Variants in SLC4A10 observed in about 807,000 individuals in gnomAD.
SLC4A10 encodes sodium-driven chloride bicarbonate exchanger.
In SLC4A10, 42 loss-of-function variants were observed where a neutral mutation model predicts 137.7. The observed-to-expected ratio is 0.30, with a 90% confidence interval of 0.24 to 0.39. The LOEUF (loss-of-function observed/expected upper bound fraction) is 0.39, where lower values mean the gene tolerates loss of function less well. Ranked by LOEUF, SLC4A10 falls within the 10% of genes least tolerant of loss-of-function variation. SLC4A10 has a pLI of 1.00. For missense variants in SLC4A10, 925 were observed against 1,355.0 expected, an observed-to-expected ratio of 0.68 and a Z score of 4.98; for synonymous variants, 474 against 464.1, an observed-to-expected ratio of 1.02 and a Z score of -0.27.
intron 3 of SLC4A10, among the ~76,000 whole-genome samples, chr2:161,810,310 A>G (rs2125630797): frequency 6.6e-6 from 1 of 152,180 alleles, no homozygotes; most frequent in South Asian, 2.1e-4. Flanking sequence ...ATCATCAGCA[A>G]AGAGAGATAG....
chr2:161,836,726 C>A (rs1451738137), intron 3 of SLC4A10, among the ~76,000 whole-genome samples: 2 of 149,676 alleles, frequency 1.3e-5, no homozygotes, highest in Non-Finnish European at 3.0e-5. Context: ...CTAAAATAAA[C>A]AAACACCAAA....
At chr2:161,804,633 T>A (rs183968573) in intron 3 of SLC4A10, 38 bp downstream of exon 3, 1 of 1,547,042 alleles carries the variant, frequency 6.5e-7, no homozygotes, top group African/African-American at 1.4e-5. Context: ...AAGTTAATTA[T>A]TGTAATATAC....
chr2:161,796,604 T>C (rs1454760154), intron 2 of SLC4A10, among the ~76,000 whole-genome samples: 1 of 152,200 alleles, frequency 6.6e-6, no homozygotes, highest in Admixed American at 6.5e-5. Context: ...CCAACTCTTG[T>C]TGGAACAAGC....
At chr2:161,770,683 G>A (rs1027420768) in intron 1 of SLC4A10, among the ~76,000 whole-genome samples, 1 of 151,798 alleles carries the variant, frequency 6.6e-6, no homozygotes, top group East Asian at 1.9e-4. Context: ...TAAATTGATA[G>A]AATAACTATT....
At chr2:161,632,679 C>A (rs2033775399) in intron 1 of SLC4A10, among the ~76,000 whole-genome samples, 2 of 151,294 alleles carry the variant, frequency 1.3e-5, no homozygotes, top group Non-Finnish European at 3.0e-5. Context: ...GTCAGGAGGG[C>A]TAGTTAAAAA....
At chr2:161,973,132 G>T (rs1698835940) in intron 23 of SLC4A10, among the ~76,000 whole-genome samples, 1 of 152,046 alleles carries the variant, frequency 6.6e-6, no homozygotes, top group Admixed American at 6.5e-5. Context: ...GAGCCTTCAG[G>T]GCCATCCCTT....
chr2:161,789,327 A>G (rs2125523475), intron 2 of SLC4A10, among the ~76,000 whole-genome samples: 1 of 152,094 alleles, frequency 6.6e-6, no homozygotes, highest in South Asian at 2.1e-4. Context: ...TTTACATGGG[A>G]CTCTGAGTTC....
intron 1 of SLC4A10, among the ~76,000 whole-genome samples, chr2:161,670,951 T>C (rs1408557627): frequency 6.6e-6 from 1 of 152,144 alleles, no homozygotes; most frequent in African/African-American, 2.4e-5. Context: ...CTGAGTGTTC[T>C]TTTTGAATGC....
At chr2:161,883,044 A>G (rs768047671) in intron 10 of SLC4A10, among the ~76,000 whole-genome samples, 4 of 152,134 alleles carry the variant, frequency 2.6e-5, no homozygotes, top group Non-Finnish European at 5.9e-5. Flanking sequence ...AAAGAAGTGT[A>G]TGTCTCAAAA....
chr2:161,930,980 G>A (rs1461009789), intron 15 of SLC4A10, among the ~76,000 whole-genome samples: 1 of 152,044 alleles, frequency 6.6e-6, no homozygotes, highest in Non-Finnish European at 1.5e-5. Context: ...GGCCCAAGCT[G>A]AAGTGCAGTG....
chr2:161,786,715 A>G (rs774376491), intron 2 of SLC4A10, among the ~76,000 whole-genome samples: 16 of 145,790 alleles, frequency 1.1e-4, no homozygotes, highest in South Asian at 2.2e-4. Flanking sequence ...TCAGTAGTGT[A>G]ATTGCTTTTT....
At chr2:161,940,818 A>T (rs1031773883) in intron 15 of SLC4A10, among the ~76,000 whole-genome samples, 4 of 152,196 alleles carry the variant, frequency 2.6e-5, no homozygotes, top group Non-Finnish European at 5.9e-5. Flanking sequence ...CACTGACCAC[A>T]GCAGGCAGGG....
At chr2:161,666,986 G>A (rs890453810) in intron 1 of SLC4A10, among the ~76,000 whole-genome samples, 13 of 151,648 alleles carry the variant, frequency 8.6e-5, no homozygotes, top group African/African-American at 2.7e-4. Flanking sequence ...CATTTCTAAC[G>A]TTAAAAAATG....
chr2:161,981,406 G>T (rs1700201799), intron 26 of SLC4A10, among the ~76,000 whole-genome samples: 1 of 152,184 alleles, frequency 6.6e-6, no homozygotes, highest in Non-Finnish European at 1.5e-5. Flanking sequence ...CTACAAGAGA[G>T]CCTAGAGGCC....
At chr2:161,967,841 A>T (rs1201828686) in intron 23 of SLC4A10, among the ~76,000 whole-genome samples, 1 of 152,260 alleles carries the variant, frequency 6.6e-6, no homozygotes, top group East Asian at 1.9e-4. Flanking sequence ...TTAATGTCAC[A>T]GTCTCCGAGA....
At chr2:161,851,006 T>C (rs1462371452) in intron 4 of SLC4A10, among the ~76,000 whole-genome samples, 1 of 152,218 alleles carries the variant, frequency 6.6e-6, no homozygotes, top group Non-Finnish European at 1.5e-5. Context: ...AGTTTCCATG[T>C]AATTGTATGC....
Position 161,718,290 on chromosome 2 carries a change from C to G in SLC4A10, c.49-52683C>G, listed in dbSNP as rs1242629279. ...TTGAAGGGTTTTTTTGTGTGTCTCT[C>G]TCCTTCAGTTCTGCTCTGATCTTGC... On this transcript the variant is annotated intron_variant, in intron 1 of 26. Transcript: ENST00000446997. Among the ~76,000 whole-genome samples the G allele has an allele frequency of 2.0e-5, 3 of 152,058 alleles. No homozygotes were observed. The East Asian group carries it at 5.8e-4, about 30-fold the overall frequency.
chr2:161,840,632 C>T (rs1373260744), intron 4 of SLC4A10, among the ~76,000 whole-genome samples: 1 of 152,102 alleles, frequency 6.6e-6, no homozygotes, highest in African/African-American at 2.4e-5. Context: ...TTAGATCTTG[C>T]CTTTAGGGAT....
At chr2:161,713,872 C>T (rs2044561499) in intron 1 of SLC4A10, among the ~76,000 whole-genome samples, 1 of 151,850 alleles carries the variant, frequency 6.6e-6, no homozygotes, top group African/African-American at 2.4e-5. Flanking sequence ...AGTAAAAAAG[C>T]TGGATACCTT....
Sources: gnomAD v4.1 joint callset for allele counts (sites outside exome capture counted in the v4.1 genomes callset) on GRCh38, gnomAD v4.1.1 for gene constraint, MANE v1.5 for transcripts, NCBI Gene and HGNC (gene_info 2026-07-23, HGNC 2026-07-21) for gene names.